NRXN1: variants seen among roughly 807,000 people sequenced by gnomAD.
NRXN1 encodes neurexin 1.
In NRXN1, 39 loss-of-function variants were observed where a neutral mutation model predicts 150.9. The ratio of observed to expected loss-of-function variants is 0.26; its 90% confidence interval spans 0.20 to 0.34. The LOEUF is 0.34. NRXN1 is among the 10% of genes least tolerant of loss of function. The pLI is 1.00. For synonymous variants in NRXN1, 924 were observed against 757.0 expected (o/e 1.22, Z -3.62); for missense variants, 1,815 against 1,949.9 (o/e 0.93, Z 1.30).
chr2:50,031,107 C>T (rs1276923067), intron 21 of NRXN1, among the ~76,000 whole-genome samples: 1 of 151,984 alleles, frequency 6.6e-6, no homozygotes, highest in African/African-American at 2.4e-5. Context: ...TAAAGCACAC[C>T]TTTTGCACTA....
At chr2:50,703,631 G>C (rs376503258) in intron 5 of NRXN1, among the ~76,000 whole-genome samples, 2 of 152,142 alleles carry the variant, frequency 1.3e-5, no homozygotes, top group Admixed American at 6.5e-5. Context: ...ATCAAGGATA[G>C]ACCCAACATA....
At chr2:50,199,731 A>C (rs532799000) in intron 18 of NRXN1, among the ~76,000 whole-genome samples, 1 of 152,224 alleles carries the variant, frequency 6.6e-6, no homozygotes, top group African/African-American at 2.4e-5. Context: ...AATGTTTGGC[A>C]TCATTTTGGG....
intron 17 of NRXN1, among the ~76,000 whole-genome samples, chr2:50,360,389 G>A (rs1174934527): frequency 6.6e-6 from 1 of 152,142 alleles, no homozygotes; most frequent in African/African-American, 2.4e-5. Context: ...ACACATATAG[G>A]CTCAAAATAA....
intron 17 of NRXN1, among the ~76,000 whole-genome samples, chr2:50,279,504 GC>G (rs2071113870): frequency 6.6e-6 from 1 of 152,004 alleles, no homozygotes; most frequent in South Asian, 2.1e-4. Context: ...TTGGTTGTCT[GC>G]CCCAGGATCA....
intron 18 of NRXN1, among the ~76,000 whole-genome samples, chr2:50,129,063 C>T (rs1705069473): frequency 6.6e-6 from 1 of 152,042 alleles, no homozygotes; most frequent in Non-Finnish European, 1.5e-5. Context: ...AACTGATCCT[C>T]AAGGTGGTAA....
intron 17 of NRXN1, among the ~76,000 whole-genome samples, chr2:50,444,045 G>A (rs569819740): frequency 2.0e-4 from 30 of 152,204 alleles, no homozygotes; most frequent in African/African-American, 7.2e-4. Flanking sequence ...ACCACAACCT[G>A]TTCATCAAGG....
At chr2:50,369,888 G>C (rs922324093) in intron 17 of NRXN1, among the ~76,000 whole-genome samples, 1 of 151,986 alleles carries the variant, frequency 6.6e-6, no homozygotes, top group East Asian at 1.9e-4. Flanking sequence ...TCACCATTGG[G>C]AGGAGACTGT....
intron 8 of NRXN1, among the ~76,000 whole-genome samples, chr2:50,605,550 AC>A (rs1398917879): frequency 6.6e-6 from 1 of 152,204 alleles, no homozygotes; most frequent in Non-Finnish European, 1.5e-5. Context: ...GTCAGTAATC[AC>A]CAGAGAAATG....
intron 8 of NRXN1, among the ~76,000 whole-genome samples, chr2:50,559,442 T>C (rs1189549403): frequency 6.6e-6 from 1 of 152,214 alleles, no homozygotes; most frequent in East Asian, 1.9e-4. Flanking sequence ...CGTGCTATGG[T>C]AGGATCAATC....
chr2:50,432,085 C>A (rs763045535), intron 17 of NRXN1, among the ~76,000 whole-genome samples: 1 of 152,108 alleles, frequency 6.6e-6, no homozygotes, highest in Non-Finnish European at 1.5e-5. Flanking sequence ...TAGCAATTTG[C>A]GGAGAAGACT....
chr2:50,865,803 A>G (rs2106063524), intron 5 of NRXN1, among the ~76,000 whole-genome samples: 2 of 149,424 alleles, frequency 1.3e-5, no homozygotes, highest in South Asian at 4.2e-4. Context: ...TGGGAATGGG[A>G]ATTACTATGT....
chr2:50,319,645 C>A (rs1240742466), intron 17 of NRXN1, among the ~76,000 whole-genome samples: 2 of 151,980 alleles, frequency 1.3e-5, no homozygotes, highest in Non-Finnish European at 2.9e-5. Flanking sequence ...ATGGAAGCAC[C>A]TGTGTGGAGA....
At chr2:50,396,033 T>C (rs146377404) in intron 17 of NRXN1, among the ~76,000 whole-genome samples, 4,605 of 152,238 alleles carry the variant, frequency 0.03, 138 homozygotes, top group Non-Finnish European at 0.039. Flanking sequence ...AGTTATTGAA[T>C]TACTAAAATT....
intron 9 of NRXN1, among the ~76,000 whole-genome samples, chr2:50,550,811 G>A (rs552075923): frequency 3.3e-5 from 5 of 151,528 alleles, no homozygotes; most frequent in African/African-American, 7.3e-5. Flanking sequence ...CCTCCCGAGT[G>A]GCTGGGACTA....
At chr2:50,778,035 G>T (rs1268409452) in intron 5 of NRXN1, among the ~76,000 whole-genome samples, 1 of 152,214 alleles carries the variant, frequency 6.6e-6, no homozygotes, top group East Asian at 1.9e-4. Flanking sequence ...CATAACTTGA[G>T]AAGAGGTGGT....
At chr2:49,947,503 CT>C (rs376145888) in intron 21 of NRXN1, among the ~76,000 whole-genome samples, 337 of 134,062 alleles carry the variant, frequency 2.5e-3, no homozygotes, top group Middle Eastern at 0.012. Flanking sequence ...TTTTTTCTTT[CT>C]TTTTTTTTTC....
intron 8 of NRXN1, among the ~76,000 whole-genome samples, chr2:50,557,170 G>A (rs995797051): frequency 6.6e-6 from 1 of 152,142 alleles, no homozygotes; most frequent in African/African-American, 2.4e-5. Context: ...GATAGATAAG[G>A]CTCTTTCAAC....
intron 5 of NRXN1, among the ~76,000 whole-genome samples, chr2:50,920,361 G>C (rs1685827968): frequency 1.3e-5 from 2 of 151,682 alleles, no homozygotes; most frequent in South Asian, 4.1e-4. Flanking sequence ...ACAAATATCA[G>C]CTGAGTATAA....
chr2:50,723,919 CTTG>C (rs1166222865), intron 5 of NRXN1, among the ~76,000 whole-genome samples: 2 of 152,122 alleles, frequency 1.3e-5, no homozygotes, highest in Admixed American at 6.5e-5. Context: ...ATATCACCAG[CTTG>C]TTAATTCAAC....
Sources: allele counts gnomAD v4.1 joint callset (sites outside exome capture counted in the v4.1 genomes callset), GRCh38; gene constraint gnomAD v4.1.1; transcripts MANE v1.5; gene names NCBI Gene and HGNC (gene_info 2026-07-23, HGNC 2026-07-21).